Variants in PLXND1 observed in about 807,000 individuals in gnomAD.
The protein encoded by PLXND1 is plexin D1.
A neutral mutation model predicts 197.7 loss-of-function variants in PLXND1; 54 were observed. The observed-to-expected ratio is 0.27, with a 90% CI of 0.22 to 0.34. The LOEUF is 0.34. PLXND1 is among the 10% of genes least tolerant of loss of function. The pLI, the probability that PLXND1 is intolerant of heterozygous loss-of-function variation, is 1.00. For synonymous variants in PLXND1, 1,180 were observed against 1,161.2 expected, an observed-to-expected ratio of 1.02 and a Z score of -0.33; for missense variants, 2,127 against 2,699.2, an observed-to-expected ratio of 0.79 and a Z score of 4.70.
intron 2 of PLXND1, 44 bp downstream of exon 2, chr3:129,589,307 G>GCCGGGCGCGCCCCCCCCCCCC: frequency 1.5e-6 from 1 of 684,692 alleles, no homozygotes; most frequent in Non-Finnish European, 2.6e-6. Context: ...TCCCAGGGGA[G>GCCGGGCGCGCCCCCCCCCCCC]CCTCCCACCC....
chr3:129,569,742 C>T, intron 20 of PLXND1, 101 bp downstream of exon 20: 1 of 710,272 alleles, frequency 1.4e-6, no homozygotes, highest in Non-Finnish European at 2.5e-6. Flanking sequence ...TCAAGCTGTG[C>T]CCCATCCCAT....
At position 129,583,618 on chromosome 3, in the gene PLXND1, C is replaced by T; in HGVS notation, c.2190G>A (p.Gln730=). ...GAGACTGGTTGGAAACACAGGAGTGCTGCTGGCTGCACCAGAAACAGGGCC... is the reference window on the plus strand; with the variant it reads ...GAGACTGGTTGGAAACACAGGAGTGTTGCTGGCTGCACCAGAAACAGGGCC... ...AQWPCFWCSQ[Q]HSCVSNQSRC... is the part of the protein sequence containing the mutation. Residue 730 remains glutamine (Q), a synonymous_variant, in exon 8 of 36, where the codon CAG becomes CAA. Transcript: ENST00000324093. 1 of 1,613,876 alleles carries T rather than the reference C, an allele frequency of 6.2e-7. No individual in the cohort carries two copies. Among genetic ancestry groups the T allele is most frequent in the Non-Finnish European group, 8.5e-7 (1 of 1,179,984 alleles).
chr3:129,593,120 T>C (rs945902860), intron 1 of PLXND1, among the ~76,000 whole-genome samples: 2 of 152,142 alleles, frequency 1.3e-5, no homozygotes, highest in African/African-American at 4.8e-5. Context: ...AGGGCCATCT[T>C]TCTCTCACAC....
At chr3:129,599,148 C>A (rs534591391) in intron 1 of PLXND1, among the ~76,000 whole-genome samples, 3 of 152,306 alleles carry the variant, frequency 2.0e-5, no homozygotes, top group Admixed American at 1.3e-4. Context: ...ACACGCCACG[C>A]GTCTTTGTTC....
rs755545530 is a variant in PLXND1 at position 129,586,096 on chromosome 3, C to T, written c.1722-15G>A. The T allele has an allele frequency of 1.2e-6, 2 of 1,613,764 alleles. No homozygotes were observed. Among genetic ancestry groups the T allele is most frequent in the Non-Finnish European group, 1.7e-6 (2 of 1,179,962 alleles). The stretch of plus-strand genomic sequence containing the variant: ...GCAAGGTGCACCTGGGGTGGCACCG[C>T]AGGGTCAGGACCCAGGTCAGCTCCT... On this transcript the variant is annotated splice_polypyrimidine_tract_variant and intron_variant, in intron 4 of 35. Coordinates refer to ENST00000324093, the MANE Select transcript of PLXND1 (RefSeq NM_015103.3).
rs1479931064 is a variant in PLXND1, at chr3:129,584,220, A to G, written c.2043T>C (p.Val681=). Residue 681 remains valine, a synonymous_variant, in exon 7 of 36, where the codon GTT becomes GTC. Coordinates refer to ENST00000324093, the MANE Select transcript of PLXND1 (RefSeq NM_015103.3). ...GCCCATTGACCCTCACAGACATCTCAACAGTCACGTGGTCTGGAATGGATG... is the reference window on the plus strand; with the variant it reads ...GCCCATTGACCCTCACAGACATCTCGACAGTCACGTGGTCTGGAATGGATG... ...PFPPNQDHVT[V]EMSVRVNGRN... 2 of 1,582,390 alleles carry G rather than the reference A, an allele frequency of 1.3e-6. No homozygotes were observed. The highest frequency in any genetic ancestry group is 1.8e-5 in the Admixed American group (1 of 56,970).
intron 20 of PLXND1, among the ~76,000 whole-genome samples, chr3:129,568,175 C>T (rs966784800): frequency 2.6e-5 from 4 of 151,994 alleles, no homozygotes; most frequent in East Asian, 1.9e-4. Flanking sequence ...TGGGTGACTT[C>T]GGTTTACTTT....
At chr3:129,589,310 T>TGGCCCCCCCCCCCCCCACCC in intron 2 of PLXND1, 41 bp downstream of exon 2, 1 of 501,294 alleles carries the variant, frequency 2.0e-6, no homozygotes, top group Non-Finnish European at 3.8e-6. Flanking sequence ...CAGGGGAGCC[T>TGGCCCCCCCCCCCCCCACCC]CCCACCCCCA....
intron 1 of PLXND1, among the ~76,000 whole-genome samples, chr3:129,600,741 C>A (rs572770366): frequency 6.6e-6 from 1 of 151,788 alleles, no homozygotes; most frequent in Admixed American, 6.6e-5. Flanking sequence ...GGAGATCACT[C>A]CCAGCCCCCA....
intron 35 of PLXND1, 86 bp downstream of exon 35, chr3:129,556,531 A>T: frequency 7.5e-7 from 1 of 1,332,420 alleles, no homozygotes; most frequent in South Asian, 1.2e-5. Context: ...ACATCCGTCC[A>T]TTAGGGGCAA....
chr3:129,592,628 C>T (rs1430247924), intron 1 of PLXND1, among the ~76,000 whole-genome samples: 4 of 152,154 alleles, frequency 2.6e-5, no homozygotes, highest in African/African-American at 7.2e-5. Context: ...CTCCCCCACC[C>T]CGCGCTGACT....
Position 129,606,126 on chromosome 3 carries a change from G to A in PLXND1, c.514C>T (p.Pro172Ser), listed in dbSNP as rs1186672632. 1.3e-6 allele frequency: 2 copies of A among 1,511,322 alleles called. No homozygotes were observed. Among genetic ancestry groups the A allele is most frequent in the Admixed American group, 4.2e-5 (2 of 47,660 alleles). 93.6% of individuals were successfully genotyped at this position (1,511,322 alleles called of 1,614,324 possible). ...AGCATGCTGGGGAACACCGTGACGG[G>A]CTCGGCGGGCGGCGCGGCGGGCGGG... is the stretch of plus-strand genomic sequence containing the variant. ...RFPPAAPPAE[P>S]VTVFPSMLNV... is the part of the protein sequence containing the mutation. The change falls in exon 1 of 36, where the codon CCC becomes TCC. Residue 172 changes from proline to serine, a missense_variant. Pro to Ser is a moderately conservative substitution (Grantham distance 74). Transcript: ENST00000324093.
rs183354923 is a variant in PLXND1 at position 129,571,848 on chromosome 3, G to T, written c.3078-4C>A. 1.9e-5 allele frequency: 31 copies of T among 1,606,598 alleles called. No individual in the cohort carries two copies. Among genetic ancestry groups the T allele is most frequent in the Middle Eastern group, 1.7e-4 (1 of 5,960 alleles). ...GGCGATGCTGGTATCTGTGCGCCTGGGGGGAGCAGCAGGTTATCAGCAGGG... is the reference window on the plus strand; with the variant it reads ...GGCGATGCTGGTATCTGTGCGCCTGTGGGGAGCAGCAGGTTATCAGCAGGG... On this transcript the variant is annotated splice_region_variant and splice_polypyrimidine_tract_variant and intron_variant, in intron 15 of 35. Transcript: ENST00000324093.
rs567020799 is a variant in PLXND1, at chr3:129,584,048, C to G, written c.2138+77G>C. ...ATGCTATGATTTTTCTTCTCAGGGC[C>G]CCCTGAAAGCAAAGACCCTTCCCGG... On this transcript the variant is annotated intron_variant, in intron 7 of 35. Transcript: ENST00000324093. 1.2e-5 allele frequency: 11 copies of G among 896,218 alleles called. No individual in the cohort carries two copies. The African/African-American group carries it at 1.8e-4, about 15-fold the overall frequency. The allele number at this position is 896,218 out of a possible 1,614,324, so 55.5% of individuals were successfully genotyped here. A position where few individuals can be genotyped will look rare whatever the true frequency, so the allele number is the denominator to read the frequency against.
Position 129,575,865 on chromosome 3 carries a change from A to G in PLXND1, c.2347-10T>C, listed in dbSNP as rs2085306628. 6.3e-7 allele frequency: 1 copy of G among 1,587,512 alleles called. No individual in the cohort carries two copies. The highest frequency in any genetic ancestry group is 1.3e-5 in the African/African-American group (1 of 74,370). On this transcript the variant is annotated splice_polypyrimidine_tract_variant and intron_variant, in intron 9 of 35. Coordinates refer to ENST00000324093, the MANE Select transcript of PLXND1 (RefSeq NM_015103.3). ...ACTCCAGGGCTGCACCCTGTGGGAA[A>G]CAGGGAGTGGGAGGCGGGTTTGAGG...
intron 8 of PLXND1, among the ~76,000 whole-genome samples, chr3:129,582,303 T>C (rs546386848): frequency 5.1e-4 from 77 of 152,376 alleles, no homozygotes; most frequent in African/African-American, 1.7e-3. Flanking sequence ...GAAGATTCTC[T>C]GAGCTCAGTG....
intron 9 of PLXND1, among the ~76,000 whole-genome samples, chr3:129,576,877 C>T (rs2085321710): frequency 6.6e-6 from 1 of 152,146 alleles, no homozygotes; most frequent in African/African-American, 2.4e-5. Context: ...CTCATCTGGC[C>T]TTCTCAGGAG....
chr3:129,583,235 T>C (rs894595486), intron 8 of PLXND1, among the ~76,000 whole-genome samples: 2 of 152,206 alleles, frequency 1.3e-5, no homozygotes, highest in Admixed American at 1.3e-4. Flanking sequence ...ATAAACTGGC[T>C]CAGGCTTTCT....
Position 129,606,432 on chromosome 3 carries a change from T to C in PLXND1, c.208A>G (p.Thr70Ala). ...CGGTTGACGGCCGCCAGGTACACGG[T>C]CCCCGCCGCGCCGTCCAGGGCGAAG... ...NNFALDGAAG[T>A]VYLAAVNRLY... The change falls in exon 1 of 36, where the codon ACC (threonine) becomes GCC (alanine). Residue 70 changes from threonine (T) to alanine (A), a missense_variant. Coordinates refer to ENST00000324093, the MANE Select transcript of PLXND1 (RefSeq NM_015103.3). 3 of 1,477,122 alleles carry C rather than the reference T, an allele frequency of 2.0e-6. No individual in the cohort carries two copies. The highest frequency in any genetic ancestry group is 2.4e-5 in the Admixed American group (1 of 41,306). The allele number at this position is 1,477,122 out of a possible 1,614,324, so 91.5% of individuals were successfully genotyped here.
Sources: allele counts gnomAD v4.1 joint callset (sites outside exome capture counted in the v4.1 genomes callset), GRCh38; gene constraint gnomAD v4.1.1; transcripts MANE v1.5; gene names NCBI Gene and HGNC (gene_info 2026-07-23, HGNC 2026-07-21).